The following KLC1 variants were observed in gnomAD, a reference collection of about 807,000 sequenced individuals.
The protein encoded by KLC1 is kinesin light chain 1.
Under a neutral mutation model 84.2 loss-of-function variants are expected in KLC1, and 30 were observed. That is an observed-to-expected ratio of 0.36 (90% confidence interval 0.27 to 0.48). The LOEUF is 0.48. Among genes scored for constraint, KLC1 ranks in the 20% least tolerant of loss-of-function variants. The probability of loss-of-function intolerance (pLI) is 0.99; values close to 1 mark genes in which losing one functional copy is unlikely to be tolerated. For missense variants in KLC1, 499 were observed against 805.4 expected, an observed-to-expected ratio of 0.62 and a Z score of 4.60; for synonymous variants, 289 against 293.3, an observed-to-expected ratio of 0.99 and a Z score of 0.15.
chr14:103,645,221 C>T (rs553805844), intron 1 of KLC1, among the ~76,000 whole-genome samples: 5 of 152,172 alleles, frequency 3.3e-5, no homozygotes, highest in African/African-American at 1.2e-4. Context: ...GATCCGCCCG[C>T]CTCGGCCTCC....
chr14:103,685,607 G>T, intron 13 of KLC1: 1 of 1,289,302 alleles, frequency 7.8e-7, no homozygotes, highest in Non-Finnish European at 1.0e-6. Context: ...GCGGTTTCAC[G>T]TGGGTTTTCT....
intron 3 of KLC1, among the ~76,000 whole-genome samples, chr14:103,659,859 C>T (rs1304158374): frequency 8.5e-5 from 13 of 152,076 alleles, no homozygotes; most frequent in South Asian, 2.1e-4. Flanking sequence ...CAGCAGGGTC[C>T]GGTTCTGGGG....
intron 3 of KLC1, among the ~76,000 whole-genome samples, chr14:103,658,948 C>T (rs1328094469): frequency 2.0e-5 from 3 of 151,458 alleles, no homozygotes; most frequent in Non-Finnish European, 2.9e-5. Flanking sequence ...TGAGCCACTG[C>T]GCCCAGCCAG....
At chr14:103,699,127 A>G (rs749414375) in intron 15 of KLC1, 17 of 1,573,198 alleles carry the variant, frequency 1.1e-5, no homozygotes, top group Non-Finnish European at 1.3e-5. Flanking sequence ...ACATGGCTGC[A>G]CTCACCCCAG....
chr14:103,658,428 G>GTTTTT (rs536826342), intron 3 of KLC1, among the ~76,000 whole-genome samples: 6 of 91,232 alleles, frequency 6.6e-5, no homozygotes, highest in African/African-American at 2.5e-4. Context: ...GCCCAGCTAA[G>GTTTTT]TTTTTTTTTT....
In KLC1 at chr14:103,687,227, A is replaced by G; in HGVS notation, c.1781+16A>G. ...AGAACCCCGGGTAACTATCTCTTCC[A>G]GCTCTCCCGACTCCCTGCACGCCGG... On this transcript the variant is annotated intron_variant, in intron 14 of 16. Transcript: ENST00000334553. 6.5e-7 allele frequency: 1 copy of G among 1,531,056 alleles called. No homozygotes were observed. Among genetic ancestry groups the G allele is most frequent in the Non-Finnish European group, 8.8e-7 (1 of 1,133,488 alleles). The allele number at this position is 1,531,056 out of a possible 1,614,324, so 94.8% of individuals were successfully genotyped here. A position where few individuals can be genotyped will look rare whatever the true frequency, so the allele number is the denominator to read the frequency against.
At chr14:103,685,811 G>C (rs1366276922) in intron 13 of KLC1, 17 of 1,205,152 alleles carry the variant, frequency 1.4e-5, no homozygotes, top group Non-Finnish European at 1.8e-5. Flanking sequence ...TTTTTGGGGG[G>C]GTTCCTGATT....
chr14:103,684,993 A>C, intron 13 of KLC1: 2 of 1,132,392 alleles, frequency 1.8e-6, no homozygotes, highest in Non-Finnish European at 2.6e-6. Flanking sequence ...AAGATGAGGA[A>C]AATGAAGCTC....
At chr14:103,642,734 C>G (rs2077585111) in intron 1 of KLC1, among the ~76,000 whole-genome samples, 1 of 149,802 alleles carries the variant, frequency 6.7e-6, no homozygotes, top group Non-Finnish European at 1.5e-5. Flanking sequence ...ACAACTTGAA[C>G]AATAAAATAA....
At chr14:103,632,472 T>C (rs2151246891) in intron 1 of KLC1, among the ~76,000 whole-genome samples, 1 of 151,752 alleles carries the variant, frequency 6.6e-6, no homozygotes, top group East Asian at 1.9e-4. Context: ...TCCCAGCACT[T>C]TGGGAGGCCA....
chr14:103,670,134 T>A (rs1595464082), intron 6 of KLC1, 48 bp from the exon 7 acceptor site: 1 of 1,086,240 alleles, frequency 9.2e-7, no homozygotes, highest in Non-Finnish European at 1.3e-6. Context: ...AATGTACTCT[T>A]ATTTGGTTAT....
intron 7 of KLC1, 56 bp downstream of exon 7, chr14:103,670,339 G>GTTT (rs772308065): frequency 1.1e-3 from 967 of 843,684 alleles, no homozygotes; most frequent in South Asian, 1.5e-3. Context: ...TGTGTGTGTG[G>GTTT]TTTTTTTTTT....
In KLC1 at chr14:103,693,427, T is replaced by TG; in HGVS notation, c.1848+1005dup. ...GAGTTTCTACATGCACATTGACCCC[T>TG]GGGCCTCTCGAGTGCCAACCTAGAT... On this transcript the variant is annotated intron_variant, in intron 15 of 16. Transcript: ENST00000334553. This position sits in a 1 kb window ranked among gnomAD's most constrained non-coding sequence, Gnocchi z 5.1. The TG allele has an allele frequency of 6.9e-7, 1 of 1,450,844 alleles. No homozygotes were observed. The highest frequency in any genetic ancestry group is 1.4e-5 in the African/African-American group (1 of 71,484). 89.9% of individuals were successfully genotyped at this position (1,450,844 alleles called of 1,614,324 possible). A position where few individuals can be genotyped will look rare whatever the true frequency, so the allele number is the denominator to read the frequency against.
chr14:103,670,793 C>G (rs954479878), intron 7 of KLC1, among the ~76,000 whole-genome samples: 1 of 151,636 alleles, frequency 6.6e-6, no homozygotes, highest in African/African-American at 2.4e-5. Context: ...GTTTAAGACT[C>G]AATTACAGGC....
chr14:103,686,233 C>G, intron 13 of KLC1: 5 of 986,252 alleles, frequency 5.1e-6, no homozygotes, highest in Non-Finnish European at 6.0e-6. Flanking sequence ...TGACCTGTGT[C>G]TTGGTGTCTG....
intron 1 of KLC1, among the ~76,000 whole-genome samples, chr14:103,634,347 T>A (rs1431367273): frequency 6.6e-6 from 1 of 152,100 alleles, no homozygotes; most frequent in East Asian, 1.9e-4. Context: ...CATCTCTAAT[T>A]TGGGTGATTC....
intron 9 of KLC1, among the ~76,000 whole-genome samples, chr14:103,673,877 C>T (rs10147049): frequency 0.3 from 45,176 of 151,442 alleles, 7,373 homozygotes; most frequent in Middle Eastern, 0.38. Context: ...GAGCCGAGAT[C>T]GTGCCACTGC....
intron 1 of KLC1, among the ~76,000 whole-genome samples, chr14:103,633,065 T>G (rs1322955404): frequency 6.6e-6 from 1 of 151,966 alleles, no homozygotes. Context: ...TGGAAGATTT[T>G]TTTTTTTTTT....
chr14:103,647,247 G>A lies in KLC1; in HGVS notation c.-1-7317G>A, dbSNP rs146068480. Among the ~76,000 whole-genome samples the A allele has an allele frequency of 8.5e-4, 129 of 150,894 alleles. 2 individuals carry two copies. The East Asian group carries it at 0.02, about 23-fold the overall frequency. On this transcript the variant is annotated intron_variant, in intron 1 of 16. Coordinates refer to ENST00000334553, the MANE Select transcript of KLC1 (RefSeq NM_001394837.1). ...TTTTTTATTTTTATTTTTTTGAGAC[G>A]GAGTGTTGCTCTGTCACCCAGGCTG... is the stretch of plus-strand genomic sequence containing the variant.
Sources: gnomAD v4.1 joint callset for allele counts (sites outside exome capture counted in the v4.1 genomes callset) on GRCh38, gnomAD v4.1.1 for gene constraint, Gnocchi (gnomAD v3.1) non-coding constraint, MANE v1.5 for transcripts, NCBI Gene and HGNC (gene_info 2026-07-23, HGNC 2026-07-21) for gene names.